PCDHA5: variants seen among roughly 807,000 people sequenced by gnomAD.
PCDHA5 encodes the protein protocadherin alpha 5.
In PCDHA5, 43 loss-of-function variants were observed where a neutral mutation model predicts 61.6. The observed-to-expected ratio is 0.70, with a 90% CI of 0.55 to 0.90. The LOEUF (loss-of-function observed/expected upper bound fraction) is 0.90. PCDHA5 is among the 40% of genes least tolerant of loss of function. The probability of loss-of-function intolerance (pLI) is 0.00; values close to 1 mark genes in which losing one functional copy is unlikely to be tolerated. For missense variants in PCDHA5, 1,298 were observed against 1,222.7 expected (o/e 1.06, Z -0.92); for synonymous variants, 627 against 543.9 (o/e 1.15, Z -2.13).
chr5:140,865,121 A>G (rs1247954384), intron 1 of PCDHA5: 9 of 152,186 alleles, frequency 5.9e-5, no homozygotes, highest in African/African-American at 2.2e-4. Context: ...TTGTGGTGTT[A>G]ATTATACCTT....
intron 1 of PCDHA5, chr5:140,871,553 G>GT (rs555355563): frequency 9.2e-4 from 1,372 of 1,491,042 alleles, no homozygotes; most frequent in South Asian, 9.1e-4. Flanking sequence ...TTAAAATCCA[G>GT]TTTTTTTTCA....
chr5:140,872,593 A>T (rs1214441484), intron 1 of PCDHA5, among the ~76,000 whole-genome samples: 1 of 152,160 alleles, frequency 6.6e-6, no homozygotes, highest in African/African-American at 2.4e-5. Flanking sequence ...TGAGACCCCC[A>T]TCTGAAAAAA....
At chr5:140,895,904 C>CG (rs2065248350) in intron 1 of PCDHA5, among the ~76,000 whole-genome samples, 2 of 152,138 alleles carry the variant, frequency 1.3e-5, no homozygotes, top group Non-Finnish European at 2.9e-5. Flanking sequence ...CTCCGCGTCC[C>CG]GGGCTCAACA....
At chr5:140,835,581 A>G in intron 1 of PCDHA5, 1 of 1,613,870 alleles carries the variant, frequency 6.2e-7, no homozygotes, top group Non-Finnish European at 8.5e-7. Flanking sequence ...GTTGGTGTCC[A>G]CCTTCAAGAA....
chr5:140,829,643 T>C (rs2150171954), intron 1 of PCDHA5: 3 of 1,612,246 alleles, frequency 1.9e-6, no homozygotes, highest in South Asian at 1.1e-5. Flanking sequence ...CGGCAAGGTG[T>C]ACGCGCTGCA....
intron 1 of PCDHA5, chr5:140,926,610 C>A (rs2083401767): frequency 8.5e-6 from 3 of 352,484 alleles, no homozygotes; most frequent in African/African-American, 2.1e-5. Context: ...CTCGTCTCTG[C>A]ACCCCTAGGC....
chr5:140,985,901 G>A (rs995663051), intron 3 of PCDHA5, among the ~76,000 whole-genome samples: 3 of 151,818 alleles, frequency 2.0e-5, no homozygotes, highest in Non-Finnish European at 2.9e-5. Flanking sequence ...CACCACTCCC[G>A]TCTAATTTTT....
At chr5:140,881,471 G>T (rs1420508750) in intron 1 of PCDHA5, 1 of 555,772 alleles carries the variant, frequency 1.8e-6, no homozygotes, top group Non-Finnish European at 2.3e-6. Flanking sequence ...CATTGTTGTG[G>T]CTAAATTATT....
chr5:140,929,180 G>A, intron 1 of PCDHA5: 1 of 1,614,150 alleles, frequency 6.2e-7, no homozygotes, highest in Non-Finnish European at 8.5e-7. Context: ...CTGGGACTTG[G>A]TTCTGATAAT....
intron 1 of PCDHA5, chr5:140,877,530 T>C: frequency 1.2e-6 from 2 of 1,613,780 alleles, no homozygotes; most frequent in Non-Finnish European, 1.7e-6. Context: ...CAGTGGGCGC[T>C]GTGGATCCCG....
chr5:140,933,429 G>A (rs2089147163), intron 1 of PCDHA5, among the ~76,000 whole-genome samples: 1 of 151,830 alleles, frequency 6.6e-6, no homozygotes, highest in South Asian at 2.1e-4. Flanking sequence ...GTTCATAGGG[G>A]CACTCTAATG....
intron 1 of PCDHA5, chr5:140,876,422 A>G: frequency 1.2e-6 from 2 of 1,613,978 alleles, no homozygotes; most frequent in Non-Finnish European, 1.7e-6. Context: ...AATGCCTATG[A>G]AATTCAGGTT....
chr5:140,845,658 T>C (rs1779972804), intron 1 of PCDHA5, among the ~76,000 whole-genome samples: 2 of 149,686 alleles, frequency 1.3e-5, no homozygotes, highest in South Asian at 4.2e-4. Context: ...CCAATTTTTG[T>C]ATGTGTAGCC....
chr5:140,968,127 C>T (rs1217974732), intron 1 of PCDHA5: 7 of 1,614,064 alleles, frequency 4.3e-6, no homozygotes, highest in Non-Finnish European at 5.9e-6. Context: ...TCCCTGCGTA[C>T]ACTGAAGGTT....
intron 1 of PCDHA5, among the ~76,000 whole-genome samples, chr5:140,977,204 A>G (rs1051271481): frequency 9.9e-5 from 15 of 152,170 alleles, no homozygotes; most frequent in Non-Finnish European, 1.6e-4. Context: ...AGTTGCAGCA[A>G]TTTTCATCAT....
chr5:140,968,659 C>T, intron 1 of PCDHA5: 1 of 1,614,160 alleles, frequency 6.2e-7, no homozygotes, highest in East Asian at 2.2e-5. Flanking sequence ...CTGACCTGGA[C>T]CTCTTTAAGG....
rs1767033084 is a variant in PCDHA5 at position 140,821,706 on chromosome 5, T to A, written c.-70T>A. 3 of 1,441,004 alleles carry A rather than the reference T, an allele frequency of 2.1e-6. No homozygotes were observed. Among genetic ancestry groups the A allele is most frequent in the Non-Finnish European group, 1.9e-6 (2 of 1,063,658 alleles). 89.3% of individuals were successfully genotyped at this position (1,441,004 alleles called of 1,614,324 possible). A position where few individuals can be genotyped will look rare whatever the true frequency, so the allele number is the denominator to read the frequency against. On this transcript the variant is annotated 5_prime_UTR_variant, in exon 1 of 4. Coordinates refer to ENST00000529859, the MANE Select transcript of PCDHA5 (RefSeq NM_018908.3). ...ATAATATAAAAAATATATAGTTAAT[T>A]GGGAATTGAATTTACAAAATACATT...
chr5:140,869,392 G>T, intron 1 of PCDHA5: 1 of 1,614,164 alleles, frequency 6.2e-7, no homozygotes, highest in Non-Finnish European at 8.5e-7. Flanking sequence ...GGAGCTGTGC[G>T]GGCAGAGCGC....
intron 1 of PCDHA5, chr5:140,927,118 G>T (rs2083863389): frequency 6.2e-7 from 1 of 1,613,946 alleles, no homozygotes; most frequent in East Asian, 2.2e-5. Context: ...CGGCAATTTG[G>T]TGGTCAGAGA....
Sources: gnomAD v4.1 joint callset for allele counts (sites outside exome capture counted in the v4.1 genomes callset) on GRCh38, gnomAD v4.1.1 for gene constraint, MANE v1.5 for transcripts, NCBI Gene and HGNC (gene_info 2026-07-23, HGNC 2026-07-21) for gene names.